The following P2RY6 variants were observed in gnomAD, a reference collection of about 807,000 sequenced individuals.
P2RY6 encodes pyrimidinergic receptor P2Y6, also known as P2Y purinoceptor 6.
P2RY6 carries 19 observed loss-of-function variants against 16.3 expected under a neutral mutation model. The ratio of observed to expected loss-of-function variants is 1.16; its 90% CI spans 0.81 to 1.71. P2RY6 has a LOEUF of 1.71. Among genes scored for constraint, P2RY6 ranks in the 40% most tolerant of loss-of-function variants. The pLI is 0.00. For synonymous variants in P2RY6, 184 were observed against 201.5 expected, an observed-to-expected ratio of 0.91 and a Z score of 0.74; for missense variants, 389 against 455.5, an observed-to-expected ratio of 0.85 and a Z score of 1.33.
intron 1 of P2RY6, among the ~76,000 whole-genome samples, chr11:73,274,423 A>C (rs1863445220): frequency 6.6e-6 from 1 of 152,082 alleles, no homozygotes; most frequent in African/African-American, 2.4e-5. Context: ...TTTACACAAA[A>C]ATGAAAGCAT....
intron 1 of P2RY6, among the ~76,000 whole-genome samples, chr11:73,272,703 G>A (rs1413225115): frequency 6.6e-6 from 1 of 152,218 alleles, no homozygotes; most frequent in African/African-American, 2.4e-5. Flanking sequence ...GGGAGGAGAT[G>A]GACACATTGG....
chr11:73,285,819 T>C (rs778702532), intron 1 of P2RY6, among the ~76,000 whole-genome samples: 2 of 152,226 alleles, frequency 1.3e-5, no homozygotes, highest in Non-Finnish European at 2.9e-5. Flanking sequence ...GACCTGGACA[T>C]GTGCCTGAAA....
At chr11:73,283,155 G>T (rs1428993472) in intron 1 of P2RY6, among the ~76,000 whole-genome samples, 1 of 152,114 alleles carries the variant, frequency 6.6e-6, no homozygotes, top group Non-Finnish European at 1.5e-5. Flanking sequence ...GAAGAACTCT[G>T]GGTTTTCTGG....
At chr11:73,286,209 G>A (rs572214404) in intron 1 of P2RY6, among the ~76,000 whole-genome samples, 68 of 152,206 alleles carry the variant, frequency 4.5e-4, no homozygotes, top group Middle Eastern at 3.4e-3. Context: ...TTGACCCCTG[G>A]GTCCAGCTGG....
At position 73,277,395 on chromosome 11, in the gene P2RY6, C is replaced by T. The variant is rs139718456; in HGVS notation, c.-121+4929C>T. On this transcript the variant is annotated intron_variant, in intron 1 of 2. Transcript: ENST00000540124. Reference sequence around the variant, plus strand: ...GAGCTACTGGGCCCAGCTAGAAATACAGATTTTTATTTTCTCCCACCTGAG... The same window carrying T: ...GAGCTACTGGGCCCAGCTAGAAATATAGATTTTTATTTTCTCCCACCTGAG... 2.3e-3 allele frequency among the ~76,000 whole-genome samples: 354 copies of T among 152,160 alleles called. 1 individual carries two copies. The highest frequency in any genetic ancestry group is 8.1e-3 in the African/African-American group (337 of 41,480).
rs1391007729 is a variant in P2RY6 at position 73,275,108 on chromosome 11, C to A, written c.-121+2642C>A. On this transcript the variant is annotated intron_variant, in intron 1 of 2. Coordinates refer to ENST00000540124, the MANE Select transcript of P2RY6 (RefSeq NM_001277204.2). ...GAGATGGCGTAGGCTGGGTCAGTGG[C>A]TTCTGTGCCCAGCCCTGTGTGGATT... Among the ~76,000 whole-genome samples, 3 of 152,344 alleles carry A rather than the reference C, an allele frequency of 2.0e-5. No individual in the cohort carries two copies. In the East Asian group the frequency reaches 5.8e-4, roughly 29 times the overall value.
intron 1 of P2RY6, among the ~76,000 whole-genome samples, chr11:73,273,036 T>C (rs1863381530): frequency 6.6e-6 from 1 of 150,688 alleles, no homozygotes; most frequent in African/African-American, 2.4e-5. Flanking sequence ...CTCTCACCTC[T>C]GCCATTCCAG....
rs770637867 is a variant in P2RY6, at chr11:73,296,696, C to T, written c.178C>T (p.Arg60Cys). The change falls in exon 3 of 3, where the codon CGC becomes TGC. Residue 60 changes from arginine (R) to cysteine (C), a missense_variant. Transcript: ENST00000540124. ...CTGCACGTCCCGCCGGGCCCTGACC[C>T]GCACGGCCGTGTACACCCTAAACCT... ...QICTSRRALT[R>C]TAVYTLNLAL... is the part of the protein sequence containing the mutation. 13 of 1,614,014 alleles carry T rather than the reference C, an allele frequency of 8.1e-6. No homozygotes were observed. The highest frequency in any genetic ancestry group is 2.7e-5 in the African/African-American group (2 of 74,946).
chr11:73,270,555 C>A (rs1007301239), upstream of P2RY6, among the ~76,000 whole-genome samples: 3 of 152,172 alleles, frequency 2.0e-5, no homozygotes, highest in South Asian at 2.1e-4. Flanking sequence ...CAAGTCCCGA[C>A]CCTCTCTGGG....
At chr11:73,266,726 G>A (rs1428279094) in intron 1 of P2RY6, among the ~76,000 whole-genome samples, 2 of 152,196 alleles carry the variant, frequency 1.3e-5, no homozygotes, top group Non-Finnish European at 2.9e-5. Context: ...AAACATCTGG[G>A]GAGGGAACCT....
At chr11:73,284,734 C>T (rs955523205) in intron 1 of P2RY6, among the ~76,000 whole-genome samples, 1 of 152,162 alleles carries the variant, frequency 6.6e-6, no homozygotes, top group Non-Finnish European at 1.5e-5. Flanking sequence ...AATTGAACCA[C>T]GTCTGGAATT....
At chr11:73,292,671 C>T (rs1375926849) in intron 1 of P2RY6, 1 of 337,482 alleles carries the variant, frequency 3.0e-6, no homozygotes, top group African/African-American at 2.2e-5. Flanking sequence ...TTTTTTCCAC[C>T]TCCTTGCTCC....
At chr11:73,281,575 G>A (rs1863764490) in intron 1 of P2RY6, among the ~76,000 whole-genome samples, 1 of 152,224 alleles carries the variant, frequency 6.6e-6, no homozygotes, top group African/African-American at 2.4e-5. Context: ...AACTGTGCTG[G>A]GCACAAGGGC....
At position 73,297,556 on chromosome 11, in the gene P2RY6, C is replaced by A; in HGVS notation, c.*51C>A. On this transcript the variant is annotated 3_prime_UTR_variant, in exon 3 of 3. Transcript: ENST00000540124. ...ATATTTGCCATTGTGTCCGGGGCAC[C>A]AGGAGCCCCACCAACCCCAAACCAT... is the stretch of plus-strand genomic sequence containing the variant. 6.9e-7 allele frequency: 1 copy of A among 1,444,430 alleles called. No homozygotes were observed. Among genetic ancestry groups the A allele is most frequent in the South Asian group, 1.2e-5 (1 of 80,722 alleles). The allele number at this position is 1,444,430 out of a possible 1,614,324, so 89.5% of individuals were successfully genotyped here. A position where few individuals can be genotyped will look rare whatever the true frequency, so the allele number is the denominator to read the frequency against.
At chr11:73,288,038 T>C (rs1452286819) in intron 1 of P2RY6, among the ~76,000 whole-genome samples, 1 of 152,234 alleles carries the variant, frequency 6.6e-6, no homozygotes, top group Non-Finnish European at 1.5e-5. Context: ...TCTAACCCTC[T>C]TCATTCACAT....
chr11:73,269,378 A>G (rs1863211394), upstream of P2RY6, among the ~76,000 whole-genome samples: 1 of 152,122 alleles, frequency 6.6e-6, no homozygotes, highest in Non-Finnish European at 1.5e-5. Context: ...CTTCCTCCTC[A>G]TCTTATGTAA....
Position 73,297,211 on chromosome 11 carries a change from G to T in P2RY6, c.693G>T (p.Gln231His). ...ATGGCCCGGCAGAGCCTGTGGCCCA[G>T]GAGCGGCGTGGCAAGGCGGCCCGCA... ...RQDGPAEPVAQERRGKAARMA... is the reference protein window; with the variant it reads ...RQDGPAEPVAHERRGKAARMA... The change falls in exon 3 of 3, where the codon CAG (glutamine) becomes CAT (histidine). Residue 231 changes from glutamine (Q) to histidine (H), a missense_variant. Gln to His is a conservative substitution (Grantham distance 24, BLOSUM62 0). Transcript: ENST00000540124. 6.2e-7 allele frequency: 1 copy of T among 1,603,236 alleles called. No individual in the cohort carries two copies.
At chr11:73,291,282 T>G (rs1864235141) in intron 1 of P2RY6, among the ~76,000 whole-genome samples, 1 of 152,208 alleles carries the variant, frequency 6.6e-6, no homozygotes, top group African/African-American at 2.4e-5. Context: ...CACTTAGGCT[T>G]CTTACCCAAG....
intron 1 of P2RY6, among the ~76,000 whole-genome samples, chr11:73,283,474 C>G (rs1863844627): frequency 6.6e-6 from 1 of 152,180 alleles, no homozygotes; most frequent in Non-Finnish European, 1.5e-5. Flanking sequence ...AGAGGTGGCT[C>G]TCCTCCCCTA....
Sources: allele counts gnomAD v4.1 joint callset (sites outside exome capture counted in the v4.1 genomes callset), GRCh38; gene constraint gnomAD v4.1.1; transcripts MANE v1.5; gene names NCBI Gene and HGNC (gene_info 2026-07-23, HGNC 2026-07-21).